The following RFC3 variants were observed in gnomAD, a reference collection of about 807,000 sequenced individuals.
The protein encoded by RFC3 is A1 38 kDa subunit.
In RFC3, 41 loss-of-function variants were observed where a neutral mutation model predicts 45.1. The observed-to-expected ratio is 0.91, with a 90% CI of 0.71 to 1.18. The LOEUF (loss-of-function observed/expected upper bound fraction) is 1.18. RFC3 is among the 50% of genes most tolerant of loss of function. RFC3 has a pLI of 0.00. For synonymous variants in RFC3, 149 were observed against 144.0 expected (o/e 1.03, Z -0.25); for missense variants, 423 against 428.1 (o/e 0.99, Z 0.10).
In RFC3 at chr13:33,852,316, A is replaced by G. The variant is rs115915431; in HGVS notation, c.879+17099A>G. 6.5e-3 allele frequency among the ~76,000 whole-genome samples: 995 copies of G among 152,260 alleles called. 8 individuals carry two copies. The highest frequency in any genetic ancestry group is 0.023 in the African/African-American group (951 of 41,552). ...AGTGAACCTACTTGACGTGGCTCCA[A>G]CTGTTTTTCTGTTGAGAATGAGCCT... On this transcript the variant is annotated intron_variant, in intron 8 of 8. Transcript: ENST00000434425.
At chr13:33,910,216 T>A (rs1258753114) in intron 8 of RFC3, among the ~76,000 whole-genome samples, 1 of 152,078 alleles carries the variant, frequency 6.6e-6, no homozygotes, top group Non-Finnish European at 1.5e-5. Flanking sequence ...TAAGACAGAT[T>A]TTTCTCTCAA....
chr13:33,839,717 T>G (rs989847466), downstream of RFC3, among the ~76,000 whole-genome samples: 2 of 152,220 alleles, frequency 1.3e-5, no homozygotes, highest in African/African-American at 2.4e-5. Context: ...TTTTGTAGAC[T>G]CAAATTTCAG....
At chr13:33,882,656 G>A (rs2082492865) in intron 8 of RFC3, among the ~76,000 whole-genome samples, 1 of 152,188 alleles carries the variant, frequency 6.6e-6, no homozygotes, top group Non-Finnish European at 1.5e-5. Flanking sequence ...CCAGAAATGT[G>A]AGAAGTAAAT....
At chr13:33,908,261 C>A (rs1198902461) in intron 8 of RFC3, among the ~76,000 whole-genome samples, 2 of 151,814 alleles carry the variant, frequency 1.3e-5, no homozygotes, top group Non-Finnish European at 2.9e-5. Context: ...AAGAGAGAGA[C>A]ATGATGCAGA....
chr13:33,882,296 A>G (rs1012418178), intron 8 of RFC3, among the ~76,000 whole-genome samples: 8 of 152,242 alleles, frequency 5.3e-5, no homozygotes, highest in African/African-American at 1.9e-4. Context: ...AGGGGGTTAT[A>G]TAGTTCTGTA....
At chr13:33,971,663 A>G in the RFC3 span, among the ~76,000 whole-genome samples, 1 of 152,280 alleles carries the variant, frequency 6.6e-6, no homozygotes, top group East Asian at 1.9e-4. Context: ...TCTTCTCTGC[A>G]GCATTTCATC....
intron 8 of RFC3, among the ~76,000 whole-genome samples, chr13:33,866,067 C>T (rs1359821286): frequency 6.6e-6 from 1 of 152,028 alleles, no homozygotes; most frequent in Non-Finnish European, 1.5e-5. Context: ...TCAAAAAAAA[C>T]AAAACAAAAT....
intron 8 of RFC3, among the ~76,000 whole-genome samples, chr13:33,894,013 G>A (rs929502323): frequency 1.3e-5 from 2 of 152,142 alleles, no homozygotes; most frequent in Non-Finnish European, 2.9e-5. Context: ...GGGCCAAGAT[G>A]GCAGCTTGGA....
the RFC3 span, among the ~76,000 whole-genome samples, chr13:33,976,732 G>A: frequency 6.6e-6 from 1 of 152,086 alleles, no homozygotes; most frequent in Non-Finnish European, 1.5e-5. Context: ...ATAAAAGGGG[G>A]TGAGGAAATA....
chr13:33,879,186 A>G (rs1207416251), intron 8 of RFC3, among the ~76,000 whole-genome samples: 1 of 152,210 alleles, frequency 6.6e-6, no homozygotes, highest in Non-Finnish European at 1.5e-5. Flanking sequence ...ACATATGGAG[A>G]TTAAAAACTC....
intron 8 of RFC3, among the ~76,000 whole-genome samples, chr13:33,913,343 G>A (rs2082714453): frequency 1.3e-5 from 2 of 152,050 alleles, no homozygotes; most frequent in South Asian, 2.1e-4. Context: ...TCTAGATGGG[G>A]CTGCTTATGT....
At chr13:33,960,312 G>T (rs1242474756) in intron 8 of RFC3, among the ~76,000 whole-genome samples, 1 of 152,178 alleles carries the variant, frequency 6.6e-6, no homozygotes, top group Non-Finnish European at 1.5e-5. Context: ...CTCTGAACCT[G>T]AACAGATATA....
Position 33,896,166 on chromosome 13 carries a change from A to AAT in RFC3, c.879+60960_879+60961dup, listed in dbSNP as rs372299096. ...ACCCCAAAAGCTATTGAAACAAAGAAATATATATATATGTATATATATAAT... is the reference window on the plus strand; with the variant it reads ...ACCCCAAAAGCTATTGAAACAAAGAAATATATATATATATGTATATATATAAT... On this transcript the variant is annotated intron_variant, in intron 8 of 8. Coordinates refer to the RFC3 transcript ENST00000434425. 3.1e-3 allele frequency among the ~76,000 whole-genome samples: 465 copies of AAT among 151,248 alleles called. 4 individuals carry two copies. The highest frequency in any genetic ancestry group is 5.2e-3 in the Non-Finnish European group (353 of 67,830).
At chr13:33,895,256 A>G (rs898083234) in intron 8 of RFC3, among the ~76,000 whole-genome samples, 4 of 152,370 alleles carry the variant, frequency 2.6e-5, no homozygotes, top group African/African-American at 9.6e-5. Flanking sequence ...TATATCTGAC[A>G]CAGGACTAAT....
intron 8 of RFC3, among the ~76,000 whole-genome samples, chr13:33,901,020 A>T (rs1469689977): frequency 6.6e-6 from 1 of 151,754 alleles, no homozygotes; most frequent in Non-Finnish European, 1.5e-5. Flanking sequence ...ATTAAAATGA[A>T]TTTTATCAAA....
chr13:33,820,809 C>T (rs1300617898), intron 1 of RFC3, among the ~76,000 whole-genome samples: 2 of 151,806 alleles, frequency 1.3e-5, no homozygotes, highest in African/African-American at 2.4e-5. Context: ...TTTGGGAGTT[C>T]CCGCTTTCTA....
At chr13:33,876,225 A>G (rs2082445813) in intron 8 of RFC3, among the ~76,000 whole-genome samples, 1 of 152,144 alleles carries the variant, frequency 6.6e-6, no homozygotes, top group Non-Finnish European at 1.5e-5. Context: ...AACAGTTTAA[A>G]CAATTAGCTC....
chr13:33,882,462 A>T (rs1303918020), intron 8 of RFC3, among the ~76,000 whole-genome samples: 1 of 152,050 alleles, frequency 6.6e-6, no homozygotes, highest in Non-Finnish European at 1.5e-5. Context: ...GGCCTTTGGG[A>T]TGTGATTAGA....
rs114451366 is a variant in RFC3 at position 33,959,727 on chromosome 13, G to A, written c.880-6360G>A. ...ACCCTGCCCCTTCCTCTACCACCAA[G>A]GTATGGCTTTATACCTTGCACCCAT... is the stretch of plus-strand genomic sequence containing the variant. On this transcript the variant is annotated intron_variant, in intron 8 of 8. Transcript: ENST00000434425. Among the ~76,000 whole-genome samples the A allele has an allele frequency of 2.3e-3, 346 of 152,200 alleles. 6 individuals are homozygous for A. Among genetic ancestry groups the A allele is most frequent in the African/African-American group, 8.0e-3 (332 of 41,526 alleles).
Sources: allele counts gnomAD v4.1 joint callset (sites outside exome capture counted in the v4.1 genomes callset), GRCh38; gene constraint gnomAD v4.1.1; transcripts MANE v1.5; gene names NCBI Gene and HGNC (gene_info 2026-07-23, HGNC 2026-07-21).